Variants in RBMS3 observed in about 807,000 individuals in gnomAD.
RBMS3 encodes RNA-binding motif, single-stranded-interacting protein 3.
RBMS3 carries 27 observed loss-of-function variants against 66.8 expected under a neutral mutation model. The ratio of observed to expected loss-of-function variants is 0.40; its 90% CI spans 0.30 to 0.56. The LOEUF (loss-of-function observed/expected upper bound fraction) is 0.56. Ranked by LOEUF, RBMS3 falls within the 20% of genes least tolerant of loss-of-function variation. The pLI, the probability that RBMS3 is intolerant of heterozygous loss-of-function variation, is 0.40. For synonymous variants in RBMS3, 188 were observed against 183.0 expected, an observed-to-expected ratio of 1.03 and a Z score of -0.22; for missense variants, 513 against 549.5, an observed-to-expected ratio of 0.93 and a Z score of 0.66.
rs147375521 is a variant in RBMS3, at chr3:29,759,212, A to G, written c.558-3698A>G. On this transcript the variant is annotated intron_variant, in intron 5 of 14. Coordinates refer to ENST00000383767, the MANE Select transcript of RBMS3 (RefSeq NM_001003793.3). ...ACTAGCTCCTCTTAGTAGCTGTTTG[A>G]AAAAAAAAAGGAAGAAGAAGCACAA... 6.5e-3 allele frequency among the ~76,000 whole-genome samples: 969 copies of G among 149,446 alleles called. 12 individuals are homozygous for G. The highest frequency in any genetic ancestry group is 0.023 in the African/African-American group (921 of 40,802).
intron 12 of RBMS3, among the ~76,000 whole-genome samples, chr3:29,966,724 C>T (rs1696871515): frequency 6.6e-6 from 1 of 152,118 alleles, no homozygotes; most frequent in Admixed American, 6.5e-5. Flanking sequence ...ACTTCCAGTA[C>T]TATGTTAAAG....
chr3:29,565,172 A>C (rs2046697121), intron 3 of RBMS3, among the ~76,000 whole-genome samples: 2 of 152,212 alleles, frequency 1.3e-5, no homozygotes, highest in South Asian at 4.1e-4. Flanking sequence ...TAGGAAAGGA[A>C]AGTTAAATTA....
intron 10 of RBMS3, among the ~76,000 whole-genome samples, chr3:29,922,520 A>G (rs1447772921): frequency 6.6e-6 from 1 of 151,434 alleles, no homozygotes; most frequent in Non-Finnish European, 1.5e-5. Context: ...AAAAAGAAAA[A>G]AGATAGAAAC....
chr3:29,408,153 C>T (rs6768997), intron 1 of RBMS3, among the ~76,000 whole-genome samples: 112,982 of 149,468 alleles, frequency 0.76, 42,843 homozygotes, highest in Admixed American at 0.81. Context: ...GTGCCTGTAG[C>T]CCCAGCTACT....
chr3:29,436,297 T>G (rs1313340313), intron 2 of RBMS3, among the ~76,000 whole-genome samples: 2 of 152,164 alleles, frequency 1.3e-5, no homozygotes, highest in Non-Finnish European at 2.9e-5. Context: ...TAAACCAAAA[T>G]ACAAATACAT....
intron 6 of RBMS3, among the ~76,000 whole-genome samples, chr3:29,779,292 T>C (rs1000877164): frequency 1.3e-5 from 2 of 149,936 alleles, no homozygotes; most frequent in African/African-American, 4.9e-5. Context: ...TGTATATATA[T>C]GTAAACATAT....
At chr3:29,481,870 G>T (rs1408161798) in intron 2 of RBMS3, among the ~76,000 whole-genome samples, 1 of 152,166 alleles carries the variant, frequency 6.6e-6, no homozygotes. Flanking sequence ...GGTTTAATAA[G>T]AGAAAGGAAT....
At chr3:29,909,742 T>C (rs1327291175) in intron 10 of RBMS3, among the ~76,000 whole-genome samples, 1 of 152,120 alleles carries the variant, frequency 6.6e-6, no homozygotes, top group Non-Finnish European at 1.5e-5. Flanking sequence ...TTGTCCCAAC[T>C]GAAGTATTCT....
At chr3:29,961,436 G>C (rs1696436293) in intron 12 of RBMS3, among the ~76,000 whole-genome samples, 1 of 152,094 alleles carries the variant, frequency 6.6e-6, no homozygotes, top group African/African-American at 2.4e-5. Context: ...CCCAGTTCCA[G>C]AGTTGCTTCC....
intron 1 of RBMS3, among the ~76,000 whole-genome samples, chr3:29,366,298 A>G (rs1460132435): frequency 1.3e-5 from 2 of 152,226 alleles, no homozygotes; most frequent in South Asian, 2.1e-4. Context: ...ACCCAAACAC[A>G]TAGATCTAGA....
At chr3:29,522,668 G>C (rs1029815336) in intron 3 of RBMS3, among the ~76,000 whole-genome samples, 1 of 152,114 alleles carries the variant, frequency 6.6e-6, no homozygotes, top group Non-Finnish European at 1.5e-5. Flanking sequence ...GTACCAGGAG[G>C]AAACACTGTA....
chr3:29,850,569 G>C (rs774078114), intron 6 of RBMS3, among the ~76,000 whole-genome samples: 2 of 151,628 alleles, frequency 1.3e-5, no homozygotes, highest in African/African-American at 4.9e-5. Context: ...CTCCATTTTC[G>C]CTAGGAAATT....
intron 1 of RBMS3, among the ~76,000 whole-genome samples, chr3:29,381,865 C>T (rs903496862): frequency 6.6e-6 from 1 of 152,150 alleles, no homozygotes; most frequent in Non-Finnish European, 1.5e-5. Flanking sequence ...TGTTGGCTGT[C>T]GAACCAGATT....
chr3:29,331,708 C>T (rs1158413148), intron 1 of RBMS3, among the ~76,000 whole-genome samples: 1 of 151,026 alleles, frequency 6.6e-6, no homozygotes, highest in Non-Finnish European at 1.5e-5. Flanking sequence ...ACATTTGATT[C>T]TGTCCATGGA....
intron 4 of RBMS3, among the ~76,000 whole-genome samples, chr3:29,678,298 C>CTTTGAAAA (rs1293216138): frequency 6.6e-6 from 1 of 151,932 alleles, no homozygotes; most frequent in African/African-American, 2.4e-5. Context: ...AAGTATTTAC[C>CTTTGAAAA]TTTGAAAATT....
intron 7 of RBMS3, among the ~76,000 whole-genome samples, chr3:29,870,299 C>G (rs907137143): frequency 6.6e-6 from 1 of 152,022 alleles, no homozygotes; most frequent in African/African-American, 2.4e-5. Context: ...TATCACATGT[C>G]CCCTACCAAA....
chr3:29,335,743 C>T (rs562114237), intron 1 of RBMS3, among the ~76,000 whole-genome samples: 6 of 152,306 alleles, frequency 3.9e-5, no homozygotes, highest in African/African-American at 1.4e-4. Context: ...GCGGGGAAGA[C>T]AGGAACAGGG....
intron 4 of RBMS3, among the ~76,000 whole-genome samples, chr3:29,595,673 C>T (rs1298096022): frequency 6.6e-6 from 1 of 152,118 alleles, no homozygotes; most frequent in East Asian, 1.9e-4. Flanking sequence ...CACGTAGATT[C>T]TGATCCCACT....
At chr3:29,291,482 T>G (rs890899867) in intron 1 of RBMS3, among the ~76,000 whole-genome samples, 13 of 151,834 alleles carry the variant, frequency 8.6e-5, no homozygotes, top group Non-Finnish European at 1.5e-4. Context: ...GGGTGCCAGG[T>G]TCACAGAATT....
Sources: allele counts gnomAD v4.1 joint callset (sites outside exome capture counted in the v4.1 genomes callset), GRCh38; gene constraint gnomAD v4.1.1; transcripts MANE v1.5; gene names NCBI Gene and HGNC (gene_info 2026-07-23, HGNC 2026-07-21).